ABCB8: variants seen among roughly 807,000 people sequenced by gnomAD.
ABCB8 encodes the protein ATP binding cassette subfamily B member 8, also known as mitochondrial potassium channel ATP-binding subunit.
Under a neutral mutation model 73.0 loss-of-function variants are expected in ABCB8, and 52 were observed. The observed-to-expected ratio is 0.71, with a 90% CI of 0.57 to 0.90. The LOEUF (loss-of-function observed/expected upper bound fraction) is 0.90. Ranked by LOEUF, ABCB8 falls within the 40% of genes least tolerant of loss-of-function variation. The pLI is 0.00. For synonymous variants in ABCB8, 428 were observed against 423.5 expected, an observed-to-expected ratio of 1.01 and a Z score of -0.13; for missense variants, 909 against 974.6, an observed-to-expected ratio of 0.93 and a Z score of 0.90.
In ABCB8 at chr7:151,034,602, A is replaced by T. The variant is rs915814977; in HGVS notation, c.659+3A>T. On this transcript the variant is annotated splice_donor_region_variant and intron_variant, in intron 4 of 15. Coordinates refer to ENST00000358849, the MANE Select transcript of ABCB8 (RefSeq NM_007188.5). ...GCCCTCTTCAGCTCCCTGCTCCGGTACTGCCAGCCGCAGGGTGCAGAGTTG... is the reference window on the plus strand; with the variant it reads ...GCCCTCTTCAGCTCCCTGCTCCGGTTCTGCCAGCCGCAGGGTGCAGAGTTG... The T allele has an allele frequency of 3.0e-5, 49 of 1,613,752 alleles. No individual in the cohort carries two copies. Among genetic ancestry groups the T allele is most frequent in the Non-Finnish European group, 3.6e-5 (43 of 1,179,984 alleles).
intron 13 of ABCB8, 90 bp from the exon 14 acceptor site, chr7:151,041,871 G>C: frequency 6.9e-7 from 1 of 1,445,638 alleles, no homozygotes; most frequent in Non-Finnish European, 9.5e-7. Flanking sequence ...CCACCAGATA[G>C]ACTGTCCCAT....
chr7:151,030,132 G>A (rs555322999), intron 1 of ABCB8, among the ~76,000 whole-genome samples: 4 of 152,334 alleles, frequency 2.6e-5, no homozygotes, highest in African/African-American at 9.6e-5. Flanking sequence ...CCCAAGGAAA[G>A]ACATAAAATA....
chr7:151,045,068 A>G, intron 15 of ABCB8, 141 bp from the exon 16 acceptor site: 1 of 1,056,156 alleles, frequency 9.5e-7, no homozygotes, highest in Non-Finnish European at 1.3e-6. Context: ...CAGATTGGGC[A>G]TTGGTTTCAG....
chr7:151,039,942 C>A, intron 9 of ABCB8: 1 of 327,206 alleles, frequency 3.1e-6, no homozygotes, highest in Non-Finnish European at 5.7e-6. Flanking sequence ...ACAGGCCTCA[C>A]CCTGCAGACC....
At chr7:151,039,290 C>G (rs1225001411) in intron 9 of ABCB8, 2 of 71,504 alleles carry the variant, frequency 2.8e-5, no homozygotes, top group Non-Finnish European at 5.1e-5. Context: ...CCTGGTGCCT[C>G]CCCCGGCTGC....
Position 151,041,967 on chromosome 7 carries a change from G to A in ABCB8, c.1624G>A (p.Val542Ile), listed in dbSNP as rs56198402. 61,927 of 1,612,438 alleles carry A rather than the reference G, an allele frequency of 0.038. 1,323 individuals carry two copies. The highest frequency in any genetic ancestry group is 0.047 in the Admixed American group (2,806 of 60,020). ...QVVGFISQEPVLFGTTIMENI... is the reference protein window; with the variant it reads ...QVVGFISQEPILFGTTIMENI... The stretch of plus-strand genomic sequence containing the variant: ...CATAACCCCTCACCCACAGGAGCCC[G>A]TCCTGTTTGGGACGACCATCATGGA... Residue 542 changes from valine (V) to isoleucine (I), a missense_variant, in exon 14 of 16, where the codon GTC becomes ATC. Val to Ile is a conservative substitution (Grantham distance 29, BLOSUM62 3). Coordinates refer to ENST00000358849, the MANE Select transcript of ABCB8 (RefSeq NM_007188.5).
intron 9 of ABCB8, chr7:151,036,981 T>C: frequency 1.4e-6 from 1 of 691,946 alleles, no homozygotes; most frequent in Non-Finnish European, 2.7e-6. Context: ...TTTAACCATT[T>C]TGAAGTGTGC....
chr7:151,029,832 A>G (rs901968890), intron 1 of ABCB8: 9 of 152,160 alleles, frequency 5.9e-5, no homozygotes, highest in African/African-American at 2.2e-4. Context: ...AGAGTGAATT[A>G]CTTGGGGGCC....
At chr7:151,041,423 T>C (rs1396503119) in intron 13 of ABCB8, among the ~76,000 whole-genome samples, 191 bp downstream of exon 13, 1 of 152,236 alleles carries the variant, frequency 6.6e-6, no homozygotes, top group African/African-American at 2.4e-5. Context: ...CAGCCACAGC[T>C]CTGCCTGGTC....
intron 6 of ABCB8, 29 bp from the exon 7 acceptor site, chr7:151,035,853 C>T: frequency 6.2e-7 from 1 of 1,611,836 alleles, no homozygotes; most frequent in Non-Finnish European, 8.5e-7. Flanking sequence ...TTTCTGGACT[C>T]CTTGTCCTGT....
intron 1 of ABCB8, among the ~76,000 whole-genome samples, chr7:151,032,557 G>A (rs1796191916): frequency 6.6e-6 from 1 of 152,136 alleles, no homozygotes; most frequent in Non-Finnish European, 1.5e-5. Flanking sequence ...AGCTGGGCGT[G>A]GTGGCTCGTG....
intron 10 of ABCB8, 38 bp downstream of exon 10, chr7:151,040,339 G>C: frequency 6.2e-7 from 1 of 1,609,672 alleles, no homozygotes; most frequent in Non-Finnish European, 8.5e-7. Flanking sequence ...GGGGTGTGGA[G>C]TTTGTGCCGT....
chr7:151,035,162 C>A (rs546124117), intron 5 of ABCB8, among the ~76,000 whole-genome samples: 6 of 152,344 alleles, frequency 3.9e-5, no homozygotes, highest in African/African-American at 1.4e-4. Context: ...GGATTGCTGA[C>A]AAGCATTGAG....
intron 1 of ABCB8, among the ~76,000 whole-genome samples, chr7:151,032,034 A>T (rs538769874): frequency 1.3e-5 from 2 of 152,142 alleles, no homozygotes; most frequent in Non-Finnish European, 2.9e-5. Context: ...CCCCTCCCGC[A>T]AGTCTCATGT....
At chr7:151,031,022 T>C (rs1299342129) in intron 1 of ABCB8, among the ~76,000 whole-genome samples, 1 of 152,224 alleles carries the variant, frequency 6.6e-6, no homozygotes, top group Non-Finnish European at 1.5e-5. Flanking sequence ...TTGTGTGGCA[T>C]GTATGTGTTC....
At position 151,034,389 on chromosome 7, in the gene ABCB8, G is replaced by C; in HGVS notation, c.525G>C (p.Gln175His). Residue 175 changes from glutamine (Q) to histidine (H), a missense_variant, in exon 3 of 16, where the codon CAG (glutamine) becomes CAC (histidine). Transcript: ENST00000358849. Reference protein sequence around the residue: ...DHVGSFMTESQNLSTHLLILY... With the variant: ...DHVGSFMTESHNLSTHLLILY... ...TAGGGAGTTTCATGACTGAGTCCCA[G>C]AATCTCAGCACCCACCTGCTTATCC... The C allele has an allele frequency of 6.2e-7, 1 of 1,614,058 alleles. No individual in the cohort carries two copies. Among genetic ancestry groups the C allele is most frequent in the Non-Finnish European group, 8.5e-7 (1 of 1,180,022 alleles).
intron 14 of ABCB8, 134 bp downstream of exon 14, chr7:151,042,242 C>A: frequency 7.4e-7 from 1 of 1,358,756 alleles, no homozygotes; most frequent in African/African-American, 1.4e-5. Flanking sequence ...TCAGGGAAGA[C>A]GAGAACCACA....
rs773719217 is a variant in ABCB8 at position 151,041,057 on chromosome 7, C to G, written c.1484-42C>G. 9.9e-6 allele frequency: 16 copies of G among 1,613,456 alleles called. 1 individual carries two copies. In the South Asian group the frequency reaches 1.3e-4, roughly 13 times the overall value. ...GGGGCCTTCTTTCCTGGGACAATCC[C>G]TAGAATCCCTGGCCTCCCTCCCTCT... On this transcript the variant is annotated intron_variant, in intron 12 of 15. Transcript: ENST00000358849.
rs75893233 is a variant in ABCB8, at chr7:151,036,829, C to T, written c.1217+180C>T. The T allele has an allele frequency of 4.5e-3, 3,411 of 759,924 alleles. 83 individuals are homozygous for T. The African/African-American group carries it at 0.051, about 11-fold the overall frequency. The allele number at this position is 759,924 out of a possible 1,614,324, so 47.1% of individuals were successfully genotyped here. A position where few individuals can be genotyped will look rare whatever the true frequency, so the allele number is the denominator to read the frequency against. Reference sequence around the variant, plus strand: ...GAGAGCCCCTCAGGGCCCATAACAACCCTCCTGGCTGGGGCAGTGGCGCTG... The same window carrying T: ...GAGAGCCCCTCAGGGCCCATAACAATCCTCCTGGCTGGGGCAGTGGCGCTG... On this transcript the variant is annotated intron_variant, in intron 9 of 15. Transcript: ENST00000358849.
Sources: gnomAD v4.1 joint callset for allele counts (sites outside exome capture counted in the v4.1 genomes callset) on GRCh38, gnomAD v4.1.1 for gene constraint, MANE v1.5 for transcripts, NCBI Gene and HGNC (gene_info 2026-07-23, HGNC 2026-07-21) for gene names.